LYPD6: variants seen among roughly 807,000 people sequenced by gnomAD.
LYPD6 encodes LY6/PLAUR domain containing 6.
In LYPD6, 15 loss-of-function variants were observed where a neutral mutation model predicts 22.7. The observed-to-expected ratio is 0.66, with a 90% CI of 0.44 to 1.02. The LOEUF (loss-of-function observed/expected upper bound fraction) is 1.02, where lower values mean the gene tolerates loss of function less well. Among genes scored for constraint, LYPD6 ranks in the 50% least tolerant of loss-of-function variants. The pLI, the probability that LYPD6 is intolerant of heterozygous loss-of-function variation, is 0.00. For synonymous variants in LYPD6, 72 were observed against 77.5 expected (o/e 0.93, Z 0.37); for missense variants, 189 against 208.4 (o/e 0.91, Z 0.57).
intron 1 of LYPD6, among the ~76,000 whole-genome samples, chr2:149,355,021 A>C (rs1681425997): frequency 6.6e-6 from 1 of 152,248 alleles, no homozygotes; most frequent in African/African-American, 2.4e-5. Context: ...ACTCAAATAG[A>C]GAAAACTAGA....
chr2:149,375,987 T>A (rs1386825326), intron 1 of LYPD6, among the ~76,000 whole-genome samples: 4 of 152,234 alleles, frequency 2.6e-5, no homozygotes, highest in African/African-American at 9.6e-5. Context: ...AAGTGTTATT[T>A]TAGCCTGAGA....
At chr2:149,469,140 C>G (rs531431716) in intron 4 of LYPD6, among the ~76,000 whole-genome samples, 2 of 152,110 alleles carry the variant, frequency 1.3e-5, no homozygotes, top group Admixed American at 1.3e-4. Flanking sequence ...ACAGGAGGAC[C>G]GACGCAATTC....
chr2:149,475,519 C>A (rs1681434563), downstream of LYPD6, among the ~76,000 whole-genome samples: 1 of 152,194 alleles, frequency 6.6e-6, no homozygotes, highest in Non-Finnish European at 1.5e-5. Flanking sequence ...ATGAAGCCTT[C>A]ACTTTCAGCA....
intron 1 of LYPD6, among the ~76,000 whole-genome samples, chr2:149,429,302 T>C (rs1033941850): frequency 6.6e-6 from 1 of 152,184 alleles, no homozygotes; most frequent in Admixed American, 6.6e-5. Flanking sequence ...TTGGAACTGC[T>C]GGTGGCTGTA....
chr2:149,360,571 C>T (rs749159342), intron 1 of LYPD6, among the ~76,000 whole-genome samples: 1 of 151,388 alleles, frequency 6.6e-6, no homozygotes, highest in Non-Finnish European at 1.5e-5. Context: ...ATCTTTGCTT[C>T]TATTTCCTAT....
intron 1 of LYPD6, among the ~76,000 whole-genome samples, chr2:149,404,765 A>G (rs1258670415): frequency 6.6e-6 from 1 of 152,150 alleles, no homozygotes; most frequent in Non-Finnish European, 1.5e-5. Flanking sequence ...AACTTCCCAC[A>G]CTATGTTGAA....
intron 1 of LYPD6, among the ~76,000 whole-genome samples, chr2:149,427,294 TA>T (rs1337925485): frequency 6.6e-6 from 1 of 152,030 alleles, no homozygotes; most frequent in East Asian, 1.9e-4. Context: ...ATCTCTAGGG[TA>T]AAAATTCCTG....
At chr2:149,382,661 A>T (rs1435008267) in intron 1 of LYPD6, among the ~76,000 whole-genome samples, 1 of 152,120 alleles carries the variant, frequency 6.6e-6, no homozygotes. Context: ...TTCAAATCTT[A>T]CATAAGATTT....
At chr2:149,480,798 C>T in the LYPD6 span, among the ~76,000 whole-genome samples, 4 of 152,178 alleles carry the variant, frequency 2.6e-5, no homozygotes, top group Admixed American at 1.3e-4. Context: ...AAGAGAGTTG[C>T]CTCACCCAAG....
At chr2:149,481,303 A>G in the LYPD6 span, among the ~76,000 whole-genome samples, 1 of 152,218 alleles carries the variant, frequency 6.6e-6, no homozygotes, top group Admixed American at 6.5e-5. Flanking sequence ...ACATCTTCAT[A>G]TATTTAATCT....
chr2:149,461,073 A>T (rs1473687165), intron 3 of LYPD6, among the ~76,000 whole-genome samples: 1 of 152,076 alleles, frequency 6.6e-6, no homozygotes, highest in African/African-American at 2.4e-5. Context: ...AAAAAGGAAG[A>T]GAAAAACAAA....
chr2:149,465,845 G>T (rs1466237733), intron 3 of LYPD6, among the ~76,000 whole-genome samples: 3 of 152,162 alleles, frequency 2.0e-5, no homozygotes, highest in Non-Finnish European at 1.5e-5. Context: ...TTGAATGCCT[G>T]TTAATCTAAT....
intron 3 of LYPD6, among the ~76,000 whole-genome samples, chr2:149,458,588 G>A (rs1681018983): frequency 6.6e-6 from 1 of 152,044 alleles, no homozygotes; most frequent in African/African-American, 2.4e-5. Context: ...ATGAAAAATA[G>A]CAATCAATAG....
chr2:149,460,001 A>T lies in LYPD6; in HGVS notation c.218-8644A>T, dbSNP rs149089486. Among the ~76,000 whole-genome samples, 618 of 152,270 alleles carry T rather than the reference A, an allele frequency of 4.1e-3. 7 individuals carry two copies. The highest frequency in any genetic ancestry group is 0.014 in the African/African-American group (581 of 41,544). On this transcript the variant is annotated intron_variant, in intron 3 of 4. Transcript: ENST00000334166. ...CTTTAATTGGTAAAATTATGATGCC[A>T]GCAGGATGTGATAAGTTTTGCATAT...
At chr2:149,395,975 T>C (rs968939684) in intron 1 of LYPD6, among the ~76,000 whole-genome samples, 2 of 152,208 alleles carry the variant, frequency 1.3e-5, no homozygotes, top group African/African-American at 4.8e-5. Flanking sequence ...TCATTGACAA[T>C]ATTCATTTGA....
chr2:149,342,227 C>T (rs1681176090), intron 1 of LYPD6, among the ~76,000 whole-genome samples: 1 of 152,120 alleles, frequency 6.6e-6, no homozygotes, highest in South Asian at 2.1e-4. Flanking sequence ...GAAGGATATG[C>T]CCCCATGACC....
chr2:149,459,258 TAAA>T (rs1681033986), intron 3 of LYPD6, among the ~76,000 whole-genome samples: 1 of 152,142 alleles, frequency 6.6e-6, no homozygotes, highest in Non-Finnish European at 1.5e-5. Flanking sequence ...TTCCAACTGT[TAAA>T]AAAAGCTATC....
chr2:149,352,793 G>C (rs1276334686), intron 1 of LYPD6, among the ~76,000 whole-genome samples: 2 of 152,198 alleles, frequency 1.3e-5, no homozygotes, highest in African/African-American at 4.8e-5. Context: ...CCCTACATAG[G>C]ATTGGATTTA....
chr2:149,443,361 A>T (rs1486879014), intron 2 of LYPD6, among the ~76,000 whole-genome samples: 1 of 152,240 alleles, frequency 6.6e-6, no homozygotes. Flanking sequence ...CTGCAGTGAC[A>T]GACAGATAAA....
Sources: allele counts gnomAD v4.1 joint callset (sites outside exome capture counted in the v4.1 genomes callset), GRCh38; gene constraint gnomAD v4.1.1; transcripts MANE v1.5; gene names NCBI Gene and HGNC (gene_info 2026-07-23, HGNC 2026-07-21).